Variants in MAP2K6 observed in about 807,000 individuals in gnomAD.
The protein encoded by MAP2K6 is dual specificity mitogen-activated protein kinase kinase 6.
Under a neutral mutation model 53.7 loss-of-function variants are expected in MAP2K6, and 16 were observed. The ratio of observed to expected loss-of-function variants is 0.30; its 90% CI spans 0.20 to 0.45. MAP2K6 has a LOEUF of 0.45. Among genes scored for constraint, MAP2K6 ranks in the 20% least tolerant of loss-of-function variants. The pLI is 1.00. For missense variants in MAP2K6, 204 were observed against 411.9 expected, an observed-to-expected ratio of 0.50 and a Z score of 4.37; for synonymous variants, 132 against 143.1, an observed-to-expected ratio of 0.92 and a Z score of 0.55.
intron 1 of MAP2K6, among the ~76,000 whole-genome samples, chr17:69,428,171 A>T (rs1043365864): frequency 6.6e-6 from 1 of 152,234 alleles, no homozygotes. Context: ...TGCTAGAGCT[A>T]CTGTAACAAA....
rs1381134038 is a variant in MAP2K6 at position 69,494,625 on chromosome 17, T to TTACC, written c.17-11154_17-11151dup. On this transcript the variant is annotated intron_variant, in intron 1 of 11. Transcript: ENST00000590474. This position sits in a 1 kb window ranked among gnomAD's most constrained non-coding sequence, Gnocchi z 4.2. ...TGAAGAACGTTCCTTTGTTTCTTTATTACCCCCTTAGTCTTCAAGCAGCTG... is the reference window on the plus strand; with the variant it reads ...TGAAGAACGTTCCTTTGTTTCTTTATTACCTACCCCCTTAGTCTTCAAGCAGCTG... 1.3e-5 allele frequency among the ~76,000 whole-genome samples: 2 copies of TTACC among 152,184 alleles called. No individual in the cohort carries two copies. Among genetic ancestry groups the TTACC allele is most frequent in the African/African-American group, 4.8e-5 (2 of 41,458 alleles).
chr17:69,469,634 G>T (rs1222759939), intron 1 of MAP2K6, among the ~76,000 whole-genome samples: 1 of 152,034 alleles, frequency 6.6e-6, no homozygotes, highest in Admixed American at 6.6e-5. Context: ...ATGGTGGTAG[G>T]CGCCTGTAAT....
chr17:69,490,142 G>A (rs1367784229), intron 1 of MAP2K6, among the ~76,000 whole-genome samples: 1 of 152,174 alleles, frequency 6.6e-6, no homozygotes, highest in Admixed American at 6.5e-5. Context: ...AATTCATGAG[G>A]AATTTCAGGC....
At chr17:69,515,316 C>T (rs1434471205) in intron 2 of MAP2K6, among the ~76,000 whole-genome samples, 2 of 152,000 alleles carry the variant, frequency 1.3e-5, no homozygotes, top group Non-Finnish European at 2.9e-5. Context: ...GCCACAATGC[C>T]CGGCTAATTT....
intron 1 of MAP2K6, among the ~76,000 whole-genome samples, chr17:69,459,595 C>T (rs752871605): frequency 6.6e-6 from 1 of 151,180 alleles, no homozygotes; most frequent in Non-Finnish European, 1.5e-5. Context: ...GCCTATAGTC[C>T]CAGCTACTCG....
At chr17:69,478,856 T>G (rs1160294332) in intron 1 of MAP2K6, among the ~76,000 whole-genome samples, 1 of 152,170 alleles carries the variant, frequency 6.6e-6, no homozygotes, top group Non-Finnish European at 1.5e-5. Flanking sequence ...GTTCTTTTCT[T>G]GGTGGCACTG....
intron 2 of MAP2K6, among the ~76,000 whole-genome samples, chr17:69,506,902 G>A (rs1909520399): frequency 6.6e-6 from 1 of 152,112 alleles, no homozygotes; most frequent in East Asian, 1.9e-4. Context: ...AGAATCTGCA[G>A]GAGGAAGATC....
chr17:69,468,810 A>C (rs949528682), intron 1 of MAP2K6, among the ~76,000 whole-genome samples: 1 of 152,226 alleles, frequency 6.6e-6, no homozygotes, highest in Non-Finnish European at 1.5e-5. Flanking sequence ...GGCTGCAAAA[A>C]GCCTAAAACA....
At chr17:69,434,867 C>G (rs535693981) in intron 1 of MAP2K6, 1 of 152,214 alleles carries the variant, frequency 6.6e-6, no homozygotes, top group East Asian at 1.9e-4. Flanking sequence ...TTGTCTGTAA[C>G]TGGACGGTCA....
intron 1 of MAP2K6, among the ~76,000 whole-genome samples, chr17:69,505,128 T>A (rs1598295615): frequency 1.4e-5 from 2 of 145,068 alleles, no homozygotes. Flanking sequence ...CATTATAGTG[T>A]AAAAGAAAAA....
intron 1 of MAP2K6, among the ~76,000 whole-genome samples, chr17:69,427,283 T>G (rs1193835344): frequency 6.6e-6 from 1 of 152,198 alleles, no homozygotes; most frequent in Non-Finnish European, 1.5e-5. Context: ...AGTAAAATAG[T>G]GTTCTGGAAA....
intron 1 of MAP2K6, among the ~76,000 whole-genome samples, chr17:69,425,234 A>C (rs1175669131): frequency 6.6e-6 from 1 of 152,212 alleles, no homozygotes. Flanking sequence ...GAGTGGAGGA[A>C]ACTGGAATTG....
At chr17:69,454,936 T>G (rs968628797) in intron 1 of MAP2K6, among the ~76,000 whole-genome samples, 5 of 152,208 alleles carry the variant, frequency 3.3e-5, no homozygotes, top group African/African-American at 1.2e-4. Context: ...AGGTCTAATC[T>G]TATGACACTG....
At chr17:69,449,529 T>TTGTCTTTCTTTCTTTGTC (rs1567821647) in intron 1 of MAP2K6, among the ~76,000 whole-genome samples, 5 of 101,320 alleles carry the variant, frequency 4.9e-5, no homozygotes, top group Admixed American at 1.9e-4. Context: ...CTTTCTTTCT[T>TTGTCTTTCTTTCTTTGTC]TGTCTTTCTT....
intron 1 of MAP2K6, among the ~76,000 whole-genome samples, chr17:69,415,992 A>G (rs1439748448): frequency 6.6e-6 from 1 of 152,218 alleles, no homozygotes; most frequent in Non-Finnish European, 1.5e-5. Flanking sequence ...AGAGCAGACT[A>G]GGTGCTGTCA....
At chr17:69,538,410 T>C (rs2144867150) in intron 11 of MAP2K6, among the ~76,000 whole-genome samples, 1 of 152,324 alleles carries the variant, frequency 6.6e-6, no homozygotes, top group Admixed American at 6.5e-5. Flanking sequence ...TCAGTCCCCC[T>C]TTTCTTCTTA....
At chr17:69,491,230 G>A (rs1455374621) in intron 1 of MAP2K6, among the ~76,000 whole-genome samples, 2 of 151,892 alleles carry the variant, frequency 1.3e-5, no homozygotes, top group African/African-American at 4.8e-5. Flanking sequence ...TGCAACCTCT[G>A]TCTCCAGGGT....
intron 1 of MAP2K6, among the ~76,000 whole-genome samples, chr17:69,446,976 CTTTT>C (rs71357721): frequency 5.4e-5 from 7 of 129,514 alleles, no homozygotes; most frequent in African/African-American, 8.6e-5. Context: ...ACCTCTGTTT[CTTTT>C]TTTTTTTTTT....
At chr17:69,463,170 C>T (rs1179341250) in intron 1 of MAP2K6, among the ~76,000 whole-genome samples, 3 of 151,216 alleles carry the variant, frequency 2.0e-5, no homozygotes, top group Non-Finnish European at 2.9e-5. Flanking sequence ...AGTGTGTGAA[C>T]GTGTGCCAAG....
Sources: allele counts gnomAD v4.1 joint callset (sites outside exome capture counted in the v4.1 genomes callset), GRCh38; gene constraint gnomAD v4.1.1; non-coding constraint Gnocchi (gnomAD v3.1); transcripts MANE v1.5; gene names NCBI Gene and HGNC (gene_info 2026-07-23, HGNC 2026-07-21).